The following RAB3GAP1 variants were observed in gnomAD, a reference collection of about 807,000 sequenced individuals.
RAB3GAP1 encodes the protein rab3 GTPase-activating protein catalytic subunit.
A neutral mutation model predicts 130.7 loss-of-function variants in RAB3GAP1; 86 were observed. The observed-to-expected ratio is 0.66, with a 90% CI of 0.55 to 0.79. The LOEUF is 0.79. RAB3GAP1 is among the 30% of genes least tolerant of loss of function. The pLI is 0.00. For missense variants in RAB3GAP1, 1,029 were observed against 1,169.4 expected (o/e 0.88, Z 1.75); for synonymous variants, 367 against 401.7 (o/e 0.91, Z 1.03).
intron 3 of RAB3GAP1, among the ~76,000 whole-genome samples, chr2:135,082,847 G>C (rs530295949): frequency 6.6e-6 from 1 of 152,124 alleles, no homozygotes; most frequent in East Asian, 1.9e-4. Context: ...TCCTTGGGGG[G>C]ATTGGTTCCA....
chr2:135,107,999 A>G, intron 5 of RAB3GAP1, among the ~76,000 whole-genome samples: 1 of 143,484 alleles, frequency 7.0e-6, no homozygotes, highest in African/African-American at 2.7e-5. Context: ...AAAAAAAAAA[A>G]AAACTACACA....
At chr2:135,059,830 G>T (rs1020905605) in intron 3 of RAB3GAP1, among the ~76,000 whole-genome samples, 1 of 152,262 alleles carries the variant, frequency 6.6e-6, no homozygotes, top group Middle Eastern at 3.4e-3. Flanking sequence ...CTACTAGATA[G>T]TAGTACATAA....
intron 15 of RAB3GAP1, among the ~76,000 whole-genome samples, chr2:135,134,664 C>T (rs180831438): frequency 7.2e-5 from 11 of 152,244 alleles, no homozygotes; most frequent in African/African-American, 2.2e-4. Flanking sequence ...GATCCAAAAA[C>T]ATTTATATCA....
At chr2:135,079,616 T>G (rs1689729537) in intron 3 of RAB3GAP1, among the ~76,000 whole-genome samples, 1 of 152,228 alleles carries the variant, frequency 6.6e-6, no homozygotes, top group African/African-American at 2.4e-5. Flanking sequence ...TCCTCGTCTG[T>G]TCTTTCTTAT....
chr2:135,066,659 C>T (rs1689331262), intron 3 of RAB3GAP1, among the ~76,000 whole-genome samples: 1 of 151,982 alleles, frequency 6.6e-6, no homozygotes, highest in African/African-American at 2.4e-5. Flanking sequence ...GTTTCTAAGG[C>T]AGATTTTGGG....
chr2:135,124,266 A>G lies in RAB3GAP1; in HGVS notation c.830+20A>G, dbSNP rs755354760. 1 of 1,600,044 alleles carries G rather than the reference A, an allele frequency of 6.2e-7. No individual in the cohort carries two copies. Among genetic ancestry groups the G allele is most frequent in the Non-Finnish European group, 8.6e-7 (1 of 1,167,178 alleles). On this transcript the variant is annotated intron_variant, in intron 9 of 23. Coordinates refer to ENST00000264158, the MANE Select transcript of RAB3GAP1 (RefSeq NM_012233.3). ...TATTAGGTGAGAATTTCAACCTGTC[A>G]TTTGAATTGTGGGAATATTTTACTT...
Position 135,163,114 on chromosome 2 carries a change from T to A in RAB3GAP1, c.2606+13T>A. On this transcript the variant is annotated intron_variant, in intron 22 of 23. Transcript: ENST00000264158. Reference sequence around the variant, plus strand: ...AAGATCTTGAAAGGTAATTGCTATTTGGCTAATTCAGTTTTGTCTGCAGTA... The same window carrying A: ...AAGATCTTGAAAGGTAATTGCTATTAGGCTAATTCAGTTTTGTCTGCAGTA... 1 of 1,591,346 alleles carries A rather than the reference T, an allele frequency of 6.3e-7. No individual in the cohort carries two copies. The highest frequency in any genetic ancestry group is 1.1e-5 in the South Asian group (1 of 90,636).
chr2:135,175,204 C>A (rs1692975002), downstream of RAB3GAP1: 1 of 152,324 alleles, frequency 6.6e-6, no homozygotes, highest in South Asian at 2.1e-4. Flanking sequence ...GCTTCCCCAA[C>A]ACAGGTGTTA....
chr2:135,148,668 C>CTTTT (rs60407802), intron 17 of RAB3GAP1, among the ~76,000 whole-genome samples: 4 of 113,106 alleles, frequency 3.5e-5, no homozygotes, highest in African/African-American at 1.4e-4. Flanking sequence ...ATTTTTGTAT[C>CTTTT]TTTTTTTTTT....
intron 5 of RAB3GAP1, among the ~76,000 whole-genome samples, chr2:135,096,506 T>C (rs1034664316): frequency 1.6e-4 from 25 of 152,306 alleles, no homozygotes; most frequent in African/African-American, 4.8e-4. Context: ...TAATTATATC[T>C]ATTAAATTTA....
chr2:135,093,215 G>A (rs1690193768), intron 4 of RAB3GAP1, among the ~76,000 whole-genome samples: 2 of 152,144 alleles, frequency 1.3e-5, no homozygotes, highest in Non-Finnish European at 2.9e-5. Flanking sequence ...GAACATTTAA[G>A]ATGGACAGGG....
chr2:135,112,474 T>C (rs1361472831), intron 5 of RAB3GAP1, among the ~76,000 whole-genome samples: 1 of 152,186 alleles, frequency 6.6e-6, no homozygotes, highest in African/African-American at 2.4e-5. Context: ...AGGTCACGGC[T>C]GCTAAAGCAC....
intron 3 of RAB3GAP1, among the ~76,000 whole-genome samples, chr2:135,081,761 C>T (rs1323936492): frequency 2.6e-5 from 4 of 151,976 alleles, no homozygotes; most frequent in African/African-American, 4.8e-5. Flanking sequence ...TCTGCACATT[C>T]GGATTATAAA....
chr2:135,127,678 C>T (rs868564172), intron 11 of RAB3GAP1, among the ~76,000 whole-genome samples: 1 of 152,070 alleles, frequency 6.6e-6, no homozygotes, highest in Non-Finnish European at 1.5e-5. Context: ...CTTTAGAGCC[C>T]TTCTATAGAG....
chr2:135,153,349 A>G (rs193272760), intron 18 of RAB3GAP1, among the ~76,000 whole-genome samples: 18 of 151,186 alleles, frequency 1.2e-4, no homozygotes, highest in African/African-American at 4.1e-4. Context: ...AAGTGTTTTC[A>G]TTACTAAGTT....
chr2:135,065,955 A>G (rs1395271581), intron 3 of RAB3GAP1, among the ~76,000 whole-genome samples: 1 of 151,650 alleles, frequency 6.6e-6, no homozygotes, highest in Non-Finnish European at 1.5e-5. Context: ...TTGTATTTTT[A>G]GTAGAGATGA....
chr2:135,120,154 AT>A (rs1341427853), intron 7 of RAB3GAP1, among the ~76,000 whole-genome samples: 2 of 152,226 alleles, frequency 1.3e-5, no homozygotes, highest in African/African-American at 4.8e-5. Flanking sequence ...TATTTGAAAA[AT>A]GAATCACCTT....
intron 5 of RAB3GAP1, among the ~76,000 whole-genome samples, chr2:135,101,081 G>A (rs1202537871): frequency 6.6e-6 from 1 of 152,196 alleles, no homozygotes; most frequent in Non-Finnish European, 1.5e-5. Flanking sequence ...GTTGGGTATA[G>A]CAGTAGAGGG....
chr2:135,159,240 T>A (rs1267707692), intron 19 of RAB3GAP1, among the ~76,000 whole-genome samples: 1 of 152,202 alleles, frequency 6.6e-6, no homozygotes. Flanking sequence ...ACTCTGTAAG[T>A]GTGTGCTGCA....
Sources: gnomAD v4.1 joint callset for allele counts (sites outside exome capture counted in the v4.1 genomes callset) on GRCh38, gnomAD v4.1.1 for gene constraint, MANE v1.5 for transcripts, NCBI Gene and HGNC (gene_info 2026-07-23, HGNC 2026-07-21) for gene names.